The following NMUR2 variants were observed in gnomAD, a reference collection of about 807,000 sequenced individuals.
NMUR2 encodes the protein neuromedin U receptor 2.
NMUR2 carries 24 observed loss-of-function variants against 25.1 expected under a neutral mutation model. That is an observed-to-expected ratio of 0.96 (90% CI 0.69 to 1.34). NMUR2 has a LOEUF of 1.34. NMUR2 is among the 40% of genes most tolerant of loss of function. The pLI is 0.00. For missense variants in NMUR2, 533 were observed against 512.8 expected, an observed-to-expected ratio of 1.04 and a Z score of -0.38; for synonymous variants, 218 against 208.1, an observed-to-expected ratio of 1.05 and a Z score of -0.41.
At chr5:152,393,894 A>G (rs920567480) in intron 3 of NMUR2, among the ~76,000 whole-genome samples, 1 of 152,204 alleles carries the variant, frequency 6.6e-6, no homozygotes. Context: ...CATATTGTGC[A>G]GGAATAATGT....
In NMUR2 at chr5:152,392,494, G is replaced by T. The variant is rs1895245; in HGVS notation, c.945C>A (p.Phe315Leu). ...FNLVHVVSGVFFYLSSAVNPI... is the reference protein window; with the variant it reads ...FNLVHVVSGVLFYLSSAVNPI... The stretch of plus-strand genomic sequence containing the variant: ...GGTTGACAGCTGAGCTCAGGTAGAA[G>T]AAGACACCTGGAATGCAGGGGATTT... Residue 315 changes from phenylalanine (F) to leucine (L), a missense_variant, in exon 4 of 4, where the codon TTC becomes TTA. Phe to Leu is a conservative substitution (Grantham distance 22). Coordinates refer to ENST00000255262, the MANE Select transcript of NMUR2 (RefSeq NM_020167.5). 288,726 of 1,609,094 alleles carry T rather than the reference G, an allele frequency of 0.18. 28,565 individuals are homozygous for T. Among genetic ancestry groups the T allele is most frequent in the Admixed American group, 0.31 (18,774 of 59,836 alleles).
chr5:152,402,998 G>A (rs1753284427), intron 1 of NMUR2, among the ~76,000 whole-genome samples: 1 of 152,134 alleles, frequency 6.6e-6, no homozygotes, highest in African/African-American at 2.4e-5. Context: ...TCTGACAATC[G>A]GCTTCTCAGA....
intron 1 of NMUR2, among the ~76,000 whole-genome samples, chr5:152,399,835 A>G (rs72791447): frequency 0.14 from 22,009 of 152,122 alleles, 2,082 homozygotes; most frequent in Admixed American, 0.24. Flanking sequence ...TGGAACGAAA[A>G]TTTAACTTAT....
At chr5:152,392,627 A>C in intron 3 of NMUR2, 126 bp from the exon 4 acceptor site, 1 of 695,446 alleles carries the variant, frequency 1.4e-6, no homozygotes, top group Non-Finnish European at 2.4e-6. Flanking sequence ...GTGATAATAC[A>C]TACAAGCATC....
At chr5:152,400,258 C>T (rs2113100773) in intron 1 of NMUR2, among the ~76,000 whole-genome samples, 1 of 152,188 alleles carries the variant, frequency 6.6e-6, no homozygotes, top group South Asian at 2.1e-4. Context: ...GGATTAAAGA[C>T]TCTGTGAGAT....
intron 3 of NMUR2, 141 bp downstream of exon 3, chr5:152,395,318 A>C: frequency 1.1e-6 from 1 of 927,230 alleles, no homozygotes. Flanking sequence ...CAATCTCTGA[A>C]TAAAAGAAAA....
rs571413906 is a variant in NMUR2 at position 152,403,191 on chromosome 5, A to T, written c.726+1197T>A. 2.6e-5 allele frequency among the ~76,000 whole-genome samples: 4 copies of T among 152,270 alleles called. No individual in the cohort carries two copies. In the South Asian group the frequency reaches 8.3e-4, roughly 32 times the overall value. On this transcript the variant is annotated intron_variant, in intron 1 of 3. Transcript: ENST00000255262. Reference sequence around the variant, plus strand: ...ATAGACTGTTAGAGCTACAGGGGACATAGATAGGATCTGATGTGACCTTTT... The same window carrying T: ...ATAGACTGTTAGAGCTACAGGGGACTTAGATAGGATCTGATGTGACCTTTT...
At chr5:152,394,947 T>G (rs76987628) in intron 3 of NMUR2, among the ~76,000 whole-genome samples, 1 of 151,398 alleles carries the variant, frequency 6.6e-6, no homozygotes, top group East Asian at 2.0e-4. Context: ...GAAATTGGGT[T>G]GCAAATCCAG....
chr5:152,404,618 T>A lies in NMUR2; in HGVS notation c.496A>T (p.Ile166Phe). 6.2e-7 allele frequency: 1 copy of A among 1,613,970 alleles called. No individual in the cohort carries two copies. The highest frequency in any genetic ancestry group is 1.3e-5 in the African/African-American group (1 of 74,974). Residue 166 changes from isoleucine to phenylalanine, a missense_variant, in exon 1 of 4, where the codon ATC becomes TTC. Physicochemically the swap from Ile to Phe is conservative, Grantham distance 21 (BLOSUM62 0). Transcript: ENST00000255262. ...LQSTRRRALR[I>F]LGIVWGFSVL... ...GAGAAGCCCCAGACGATGCCGAGGA[T>A]CCTGAGGGCCCGGCGCCGGGTGCTC...
In NMUR2 at chr5:152,405,216, G is replaced by A; in HGVS notation, c.-103C>T. ...AAAGGAAAACAAAAAAGAGAAAGCA[G>A]TCACGAAAGTCACAGGCTTCGTAAG... On this transcript the variant is annotated 5_prime_UTR_variant, in exon 1 of 4. Coordinates refer to ENST00000255262, the MANE Select transcript of NMUR2 (RefSeq NM_020167.5). 7.5e-7 allele frequency: 1 copy of A among 1,330,910 alleles called. No homozygotes were observed. Among genetic ancestry groups the A allele is most frequent in the Non-Finnish European group, 1.0e-6 (1 of 982,626 alleles). 82.4% of individuals were successfully genotyped at this position (1,330,910 alleles called of 1,614,324 possible).
Position 152,392,336 on chromosome 5 carries a change from T to C in NMUR2, c.1103A>G (p.Glu368Gly). 2 of 1,614,040 alleles carry C rather than the reference T, an allele frequency of 1.2e-6. No homozygotes were observed. Among genetic ancestry groups the C allele is most frequent in the Non-Finnish European group, 1.7e-6 (2 of 1,179,972 alleles). The change falls in exon 4 of 4, where the codon GAA becomes GGA. Residue 368 changes from glutamate to glycine, a missense_variant. By Grantham distance (98) the Glu-to-Gly change is moderately conservative. Coordinates refer to ENST00000255262, the MANE Select transcript of NMUR2 (RefSeq NM_020167.5). ...PPAQRNIFLT[E>G]CHFVELTEDI... ...TTCGGTCAGCTCCACAAAGTGGCAT[T>C]CTGTCAGGAAGATGTTCCGCTGGGC...
intron 1 of NMUR2, among the ~76,000 whole-genome samples, chr5:152,399,021 C>A (rs1415963561): frequency 6.6e-6 from 1 of 152,114 alleles, no homozygotes; most frequent in African/African-American, 2.4e-5. Context: ...ACTTTGATGA[C>A]CACTTTAGCC....
chr5:152,394,611 A>T (rs760667237), intron 3 of NMUR2, among the ~76,000 whole-genome samples: 11 of 152,210 alleles, frequency 7.2e-5, no homozygotes, highest in Admixed American at 2.6e-4. Context: ...AAGAACACTG[A>T]ACTTGAAGTT....
Position 152,404,910 on chromosome 5 carries a change from C to T in NMUR2, c.204G>A (p.Leu68=). 2 of 1,613,960 alleles carry T rather than the reference C, an allele frequency of 1.2e-6. No homozygotes were observed. The highest frequency in any genetic ancestry group is 1.7e-6 in the Non-Finnish European group (2 of 1,179,982). Residue 68 remains leucine, a synonymous_variant, in exon 1 of 4, where the codon CTG becomes CTA. Coordinates refer to ENST00000255262, the MANE Select transcript of NMUR2 (RefSeq NM_020167.5). The stretch of plus-strand genomic sequence containing the variant: ...TCATAGCCTGGTGCTGCAGAATCAC[C>T]AGGCACACCAGGACATTGCCAATGA... ...VGVIGNVLVC[L]VILQHQAMKT... is the part of the protein sequence containing the mutation.
At chr5:152,396,393 A>T (rs1314684158) in intron 2 of NMUR2, among the ~76,000 whole-genome samples, 1 of 152,172 alleles carries the variant, frequency 6.6e-6, no homozygotes, top group Non-Finnish European at 1.5e-5. Context: ...GTACATGGGT[A>T]TTCATTTTAC....
chr5:152,396,015 A>G (rs952622677), intron 2 of NMUR2, among the ~76,000 whole-genome samples: 12 of 152,138 alleles, frequency 7.9e-5, no homozygotes, highest in African/African-American at 2.7e-4. Context: ...AGGAGAAAGA[A>G]GAGATCAAAC....
In NMUR2 at chr5:152,404,740, A is replaced by G. The variant is rs1221296801; in HGVS notation, c.374T>C (p.Leu125Pro). 6.2e-7 allele frequency: 1 copy of G among 1,614,024 alleles called. No individual in the cohort carries two copies. Among genetic ancestry groups the G allele is most frequent in the Non-Finnish European group, 8.5e-7 (1 of 1,180,044 alleles). Residue 125 changes from leucine to proline, a missense_variant, in exon 1 of 4, where the codon CTC (leucine) becomes CCC (proline). By Grantham distance (98) the Leu-to-Pro change is moderately conservative. Transcript: ENST00000255262. ...GPVGCYFKTA[L>P]FETVCFASIL... ...GGAGGCGAAGCACACGGTCTCAAAG[A>G]GGGCCGTCTTGAAGTAGCAGCCCAC...
chr5:152,392,923 G>A (rs1180264641), intron 3 of NMUR2, among the ~76,000 whole-genome samples: 1 of 152,122 alleles, frequency 6.6e-6, no homozygotes, highest in East Asian at 1.9e-4. Context: ...ATCAGCCAAG[G>A]CTTAGTTCCT....
intron 3 of NMUR2, among the ~76,000 whole-genome samples, chr5:152,393,216 C>T (rs548838135): frequency 2.6e-5 from 4 of 152,276 alleles, no homozygotes; most frequent in South Asian, 2.1e-4. Context: ...ATCCTGTGGC[C>T]TTAGACAAAC....
Sources: gnomAD v4.1 joint callset for allele counts (sites outside exome capture counted in the v4.1 genomes callset) on GRCh38, gnomAD v4.1.1 for gene constraint, MANE v1.5 for transcripts, NCBI Gene and HGNC (gene_info 2026-07-23, HGNC 2026-07-21) for gene names.